Variants in RGS8 observed in about 807,000 individuals in gnomAD.
RGS8 encodes the protein regulator of G protein signaling 8.
In RGS8, 8 loss-of-function variants were observed where a neutral mutation model predicts 21.7. The observed-to-expected ratio is 0.37, with a 90% CI of 0.22 to 0.66. The LOEUF (loss-of-function observed/expected upper bound fraction) is 0.66. Ranked by LOEUF, RGS8 falls within the 30% of genes least tolerant of loss-of-function variation. RGS8 has a pLI of 0.59. For missense variants in RGS8, 157 were observed against 217.9 expected, an observed-to-expected ratio of 0.72 and a Z score of 1.76; for synonymous variants, 80 against 83.6, an observed-to-expected ratio of 0.96 and a Z score of 0.24.
intron 5 of RGS8, among the ~76,000 whole-genome samples, chr1:182,649,160 T>C (rs1662874179): frequency 6.6e-6 from 1 of 152,140 alleles, no homozygotes; most frequent in Non-Finnish European, 1.5e-5. Context: ...GTTGTAGTAA[T>C]ATATTTGGGG....
At chr1:182,649,376 C>A (rs1662884186) in intron 5 of RGS8, among the ~76,000 whole-genome samples, 1 of 152,164 alleles carries the variant, frequency 6.6e-6, no homozygotes, top group African/African-American at 2.4e-5. Context: ...CACTGAAATG[C>A]AGTCGGCAGT....
the RGS8 span, among the ~76,000 whole-genome samples, chr1:182,741,283 C>A: frequency 3.5e-5 from 4 of 112,944 alleles, no homozygotes; most frequent in African/African-American, 1.4e-4. Context: ...CCTCACCTCC[C>A]GGACGGGGCG....
the RGS8 span, among the ~76,000 whole-genome samples, chr1:182,718,403 G>A: frequency 2.0e-5 from 3 of 152,184 alleles, no homozygotes; most frequent in Admixed American, 6.5e-5. Flanking sequence ...AAATTTGGAC[G>A]GCACCATGGT....
chr1:182,691,819 A>G, the RGS8 span, among the ~76,000 whole-genome samples: 7 of 152,080 alleles, frequency 4.6e-5, no homozygotes, highest in Non-Finnish European at 7.3e-5. Context: ...TCCTAGCCAG[A>G]GCAATCAGGC....
At chr1:182,648,441 AC>A in intron 5 of RGS8, 138 bp from the exon 7 acceptor site, 1 of 849,448 alleles carries the variant, frequency 1.2e-6, no homozygotes, top group Non-Finnish European at 1.8e-6. Flanking sequence ...CCTCTTGAAG[AC>A]CCCATTCTCA....
At chr1:182,671,673 T>A (rs772648195) in exon 2 of RGS8, 2 of 1,614,076 alleles carry the variant, frequency 1.2e-6, no homozygotes, top group Non-Finnish European at 1.7e-6. Flanking sequence ...TGGCCAGTCC[T>A]CATGGCCTGA....
intron 5 of RGS8, among the ~76,000 whole-genome samples, chr1:182,652,368 T>C (rs1426266405): frequency 6.6e-6 from 1 of 152,200 alleles, no homozygotes; most frequent in Non-Finnish European, 1.5e-5. Context: ...ATCACCTCCT[T>C]AAATCCAGGT....
intron 2 of RGS8, 103 bp from the exon 4 acceptor site, chr1:182,669,855 A>C: frequency 1.6e-6 from 2 of 1,278,154 alleles, no homozygotes; most frequent in Non-Finnish European, 2.1e-6. Context: ...CTCCCCACAC[A>C]CATCCCCCCA....
At chr1:182,660,536 A>C (rs1339420602) in intron 5 of RGS8, among the ~76,000 whole-genome samples, 1 of 151,726 alleles carries the variant, frequency 6.6e-6, no homozygotes, top group African/African-American at 2.4e-5. Context: ...ATATATCCAG[A>C]AAGTACACCT....
At chr1:182,750,707 G>A in the RGS8 span, among the ~76,000 whole-genome samples, 1 of 152,158 alleles carries the variant, frequency 6.6e-6, no homozygotes, top group African/African-American at 2.4e-5. Context: ...ATACCTTCAT[G>A]TTTATGAAGT....
chr1:182,668,603 G>C (rs957479833), intron 3 of RGS8, among the ~76,000 whole-genome samples: 4 of 152,162 alleles, frequency 2.6e-5, no homozygotes, highest in Non-Finnish European at 5.9e-5. Flanking sequence ...GCCTCCTAGG[G>C]CTGGAACATC....
chr1:182,737,514 C>T, the RGS8 span, among the ~76,000 whole-genome samples: 3 of 151,990 alleles, frequency 2.0e-5, no homozygotes, highest in Non-Finnish European at 2.9e-5. Flanking sequence ...ATAAGTCTTA[C>T]GAGATCTGAT....
intron 5 of RGS8, among the ~76,000 whole-genome samples, chr1:182,656,995 A>G (rs1663311323): frequency 6.6e-6 from 1 of 152,178 alleles, no homozygotes; most frequent in South Asian, 2.1e-4. Flanking sequence ...AATGGAAGGG[A>G]GAAGGTGGTA....
intron 1 of RGS8, among the ~76,000 whole-genome samples, chr1:182,678,705 C>G (rs1664447120): frequency 6.6e-6 from 1 of 152,206 alleles, no homozygotes; most frequent in African/African-American, 2.4e-5. Flanking sequence ...GTTTGCTCAC[C>G]TCCACAGCCC....
the RGS8 span, among the ~76,000 whole-genome samples, chr1:182,692,225 G>A: frequency 6.6e-5 from 10 of 151,972 alleles, no homozygotes; most frequent in East Asian, 1.9e-4. Flanking sequence ...GGCTGGTCTC[G>A]AACCCCTGAC....
the RGS8 span, among the ~76,000 whole-genome samples, chr1:182,706,607 C>T: frequency 6.6e-6 from 1 of 152,038 alleles, no homozygotes; most frequent in Admixed American, 6.5e-5. Context: ...GCTGGGACTA[C>T]AGGCGTGTGC....
chr1:182,670,489 C>T (rs983528698), intron 2 of RGS8, among the ~76,000 whole-genome samples: 2 of 152,206 alleles, frequency 1.3e-5, no homozygotes, highest in Non-Finnish European at 2.9e-5. Flanking sequence ...GGGTCCCATT[C>T]TCAGTGCTTC....
the RGS8 span, among the ~76,000 whole-genome samples, chr1:182,715,367 T>C: frequency 6.6e-6 from 1 of 152,178 alleles, no homozygotes; most frequent in East Asian, 1.9e-4. Context: ...CCCCTTTAAA[T>C]TGGCACAAAA....
intron 1 of RGS8, among the ~76,000 whole-genome samples, chr1:182,680,252 C>T (rs1664496732): frequency 6.6e-6 from 1 of 152,164 alleles, no homozygotes; most frequent in African/African-American, 2.4e-5. Context: ...GATCCTGATA[C>T]ACAAACACCC....
Sources: gnomAD v4.1 joint callset for allele counts (sites outside exome capture counted in the v4.1 genomes callset) on GRCh38, gnomAD v4.1.1 for gene constraint, MANE v1.5 for transcripts, NCBI Gene and HGNC (gene_info 2026-07-23, HGNC 2026-07-21) for gene names.